Variants in COG6 observed in about 807,000 individuals in gnomAD.
COG6 encodes the protein conserved oligomeric Golgi complex subunit 6.
A neutral mutation model predicts 88.8 loss-of-function variants in COG6; 74 were observed. The ratio of observed to expected loss-of-function variants is 0.83; its 90% confidence interval spans 0.69 to 1.01. The LOEUF is 1.01. Ranked by LOEUF, COG6 falls within the 50% of genes least tolerant of loss-of-function variation. The probability of loss-of-function intolerance (pLI) is 0.00; values close to 1 mark genes in which losing one functional copy is unlikely to be tolerated. For synonymous variants in COG6, 286 were observed against 278.7 expected, an observed-to-expected ratio of 1.03 and a Z score of -0.26; for missense variants, 800 against 797.9, an observed-to-expected ratio of 1.00 and a Z score of -0.03.
intron 4 of COG6, among the ~76,000 whole-genome samples, chr13:39,674,209 C>A (rs1202414524): frequency 6.7e-6 from 1 of 149,162 alleles, no homozygotes; most frequent in Non-Finnish European, 1.5e-5. Context: ...TATCCCTCCC[C>A]CCTCCCCCTA....
chr13:39,747,799 T>C (rs1465175527), intron 18 of COG6, among the ~76,000 whole-genome samples: 1 of 152,182 alleles, frequency 6.6e-6, no homozygotes, highest in Non-Finnish European at 1.5e-5. Flanking sequence ...ACAACTAAAT[T>C]TCAGTAAATT....
rs766710042 is a variant in COG6 at position 39,751,565 on chromosome 13, A to G, written c.*472A>G. The G allele has an allele frequency of 2.1e-5, 27 of 1,287,078 alleles. No homozygotes were observed. The highest frequency in any genetic ancestry group is 3.0e-5 in the African/African-American group (2 of 65,772). The allele number at this position is 1,287,078 out of a possible 1,614,324, so 79.7% of individuals were successfully genotyped here. On this transcript the variant is annotated 3_prime_UTR_variant, in exon 19 of 19. Transcript: ENST00000455146. ...TTAGTAGCTTTTCTGAACCTAGCCT[A>G]TGTCTCTGTCCCCAAAATAGCTGCC...
At chr13:39,671,951 T>G (rs1475857058) in intron 4 of COG6, among the ~76,000 whole-genome samples, 1 of 152,054 alleles carries the variant, frequency 6.6e-6, no homozygotes, top group Non-Finnish European at 1.5e-5. Context: ...GGTCTTTGAC[T>G]ATTTTAACTG....
chr13:39,669,108 T>C (rs1875463731), intron 4 of COG6, among the ~76,000 whole-genome samples: 1 of 152,224 alleles, frequency 6.6e-6, no homozygotes, highest in South Asian at 2.1e-4. Flanking sequence ...ATGTGGGAGA[T>C]GGTTGACTCT....
At chr13:39,780,753 T>C (rs892931619) in intron 18 of COG6, among the ~76,000 whole-genome samples, 13 of 152,202 alleles carry the variant, frequency 8.5e-5, no homozygotes, top group Non-Finnish European at 1.6e-4. Context: ...TAATTTCCCC[T>C]TGTGTTTAGT....
chr13:39,668,037 T>C (rs1875378822), intron 4 of COG6, among the ~76,000 whole-genome samples: 1 of 152,192 alleles, frequency 6.6e-6, no homozygotes, highest in Non-Finnish European at 1.5e-5. Flanking sequence ...TGGAAATATT[T>C]AGTCTTATGT....
At chr13:39,781,487 A>G (rs1424383366) in intron 18 of COG6, among the ~76,000 whole-genome samples, 1 of 151,250 alleles carries the variant, frequency 6.6e-6, no homozygotes, top group African/African-American at 2.4e-5. Context: ...CTGGAATGGA[A>G]CTATTTCATA....
chr13:39,699,288 A>C (rs1361315489), intron 12 of COG6, among the ~76,000 whole-genome samples: 1 of 151,890 alleles, frequency 6.6e-6, no homozygotes, highest in Non-Finnish European at 1.5e-5. Flanking sequence ...TTGAAAACAT[A>C]GTAGTTTGTT....
At chr13:39,776,242 G>A (rs1213436226) in intron 18 of COG6, among the ~76,000 whole-genome samples, 1 of 152,172 alleles carries the variant, frequency 6.6e-6, no homozygotes, top group East Asian at 1.9e-4. Context: ...GAGGAGGGAG[G>A]AGGAGTAGGC....
At chr13:39,756,497 G>C (rs79993692), downstream of COG6, among the ~76,000 whole-genome samples, 1,096 of 152,234 alleles carry the variant, frequency 7.2e-3, 14 homozygotes, top group African/African-American at 0.025. Flanking sequence ...TAGAAATTTG[G>C]TGTAAAACAT....
intron 15 of COG6, among the ~76,000 whole-genome samples, chr13:39,720,626 G>A (rs1261604578): frequency 2.6e-5 from 4 of 151,746 alleles, no homozygotes; most frequent in Admixed American, 6.6e-5. Flanking sequence ...AACTTGTTAC[G>A]AAAAGCCACC....
intron 13 of COG6, among the ~76,000 whole-genome samples, chr13:39,701,432 G>A (rs1877571594): frequency 1.3e-5 from 2 of 151,828 alleles, no homozygotes; most frequent in South Asian, 4.1e-4. Context: ...TTTGGATGAA[G>A]TCACTAGGAA....
chr13:39,708,475 C>T (rs1878061133), intron 13 of COG6, among the ~76,000 whole-genome samples: 1 of 152,146 alleles, frequency 6.6e-6, no homozygotes, highest in African/African-American at 2.4e-5. Context: ...GTCATGAGGA[C>T]ATTCTTCTGT....
chr13:39,754,191 A>G (rs1880758870), downstream of COG6, among the ~76,000 whole-genome samples: 1 of 151,940 alleles, frequency 6.6e-6, no homozygotes, highest in South Asian at 2.1e-4. Context: ...AAGTTGGCAT[A>G]CTCTAGGGCT....
chr13:39,689,729 C>T (rs759171430), intron 10 of COG6, 31 bp from the exon 11 acceptor site: 3 of 1,494,058 alleles, frequency 2.0e-6, no homozygotes, highest in South Asian at 2.3e-5. Context: ...AATATGGAAA[C>T]AAATATTAAT....
downstream of COG6, among the ~76,000 whole-genome samples, chr13:39,755,094 A>G (rs1456981399): frequency 4.6e-5 from 7 of 152,194 alleles, no homozygotes; most frequent in Non-Finnish European, 8.8e-5. Context: ...TAAAGGTAGC[A>G]ATAAAACTGG....
chr13:39,680,479 G>A (rs575543756), intron 7 of COG6, among the ~76,000 whole-genome samples: 2 of 152,308 alleles, frequency 1.3e-5, no homozygotes, highest in African/African-American at 4.8e-5. Flanking sequence ...AAACTGAGTG[G>A]CTTAAAACAA....
At chr13:39,755,552 G>A (rs936845212), downstream of COG6, among the ~76,000 whole-genome samples, 1 of 152,226 alleles carries the variant, frequency 6.6e-6, no homozygotes, top group Non-Finnish European at 1.5e-5. Flanking sequence ...GGTTGGGAAT[G>A]AGATGTTCAT....
chr13:39,687,472 A>G, intron 8 of COG6, 31 bp from the exon 9 acceptor site: 1 of 1,605,602 alleles, frequency 6.2e-7, no homozygotes, highest in East Asian at 2.2e-5. Context: ...AAACAACCCC[A>G]ACCATTTTTT....
Sources: gnomAD v4.1 joint callset for allele counts (sites outside exome capture counted in the v4.1 genomes callset) on GRCh38, gnomAD v4.1.1 for gene constraint, MANE v1.5 for transcripts, NCBI Gene and HGNC (gene_info 2026-07-23, HGNC 2026-07-21) for gene names.